The following RWDD1 variants were observed in gnomAD, a reference collection of about 807,000 sequenced individuals.
The protein encoded by RWDD1 is RWD domain-containing protein 1.
A neutral mutation model predicts 31.6 loss-of-function variants in RWDD1; 17 were observed. The ratio of observed to expected loss-of-function variants is 0.54; its 90% CI spans 0.37 to 0.81. RWDD1 has a LOEUF of 0.81. Among genes scored for constraint, RWDD1 ranks in the 30% least tolerant of loss-of-function variants. RWDD1 has a pLI of 0.00. For synonymous variants in RWDD1, 78 were observed against 94.2 expected (o/e 0.83, Z 0.99); for missense variants, 204 against 274.5 (o/e 0.74, Z 1.82).
intron 6 of RWDD1, 137 bp from the exon 7 acceptor site, chr6:116,592,843 G>A: frequency 1.2e-6 from 1 of 841,672 alleles, no homozygotes; most frequent in Non-Finnish European, 1.8e-6. Context: ...GTTGATAACT[G>A]TAGTTTGGGA....
At chr6:116,579,366 C>T (rs185024314) in intron 1 of RWDD1, among the ~76,000 whole-genome samples, 151 of 152,354 alleles carry the variant, frequency 9.9e-4, no homozygotes, top group African/African-American at 3.4e-3. Context: ...AGGCTTTTCT[C>T]ATAGGCTTAG....
At chr6:116,571,745 T>C (rs995818553) in intron 1 of RWDD1, 90 bp downstream of exon 1, 1 of 1,206,826 alleles carries the variant, frequency 8.3e-7, no homozygotes, top group Non-Finnish European at 1.1e-6. Context: ...TAGGTTGGGG[T>C]GGAGAAGGGG....
In RWDD1 at chr6:116,595,744, C is replaced by G. The variant is rs948453319; in HGVS notation, c.*2643C>G. The G allele has an allele frequency of 2.0e-5, 3 of 152,286 alleles. No homozygotes were observed. The highest frequency in any genetic ancestry group is 3.4e-3 in the Middle Eastern group (1 of 294). 9.4% of individuals were successfully genotyped at this position (152,286 alleles called of 1,614,324 possible). On this transcript the variant is annotated 3_prime_UTR_variant, in exon 7 of 7. Transcript: ENST00000466444. ...AATTCTAATGTATTTTAAAGTAAAG[C>G]ATGAGAGTTCAAAGAAATGTTGTAT...
chr6:116,572,003 G>T (rs979027516), intron 1 of RWDD1, among the ~76,000 whole-genome samples: 1 of 151,938 alleles, frequency 6.6e-6, no homozygotes, highest in Non-Finnish European at 1.5e-5. Context: ...TTCCACAGCC[G>T]CAAGAATGTT....
At chr6:116,582,600 A>G (rs759374284) in intron 2 of RWDD1, among the ~76,000 whole-genome samples, 1 of 152,122 alleles carries the variant, frequency 6.6e-6, no homozygotes, top group Non-Finnish European at 1.5e-5. Context: ...TAAACCTTTT[A>G]TCCTGTAACT....
intron 3 of RWDD1, among the ~76,000 whole-genome samples, chr6:116,588,334 C>T (rs1775078122): frequency 6.6e-6 from 1 of 152,092 alleles, no homozygotes; most frequent in African/African-American, 2.4e-5. Flanking sequence ...TTCAAATGAC[C>T]AACTTCCTAA....
At chr6:116,586,882 A>G (rs1036160817) in intron 3 of RWDD1, among the ~76,000 whole-genome samples, 1 of 152,214 alleles carries the variant, frequency 6.6e-6, no homozygotes, top group African/African-American at 2.4e-5. Context: ...TCATTGTGGT[A>G]TCTGTTTTCT....
In RWDD1 at chr6:116,593,078, C is replaced by A; in HGVS notation, c.709C>A (p.Pro237Thr). Residue 237 changes from proline (P) to threonine (T), a missense_variant, in exon 7 of 7, where the codon CCA becomes ACA. Coordinates refer to ENST00000466444, the MANE Select transcript of RWDD1 (RefSeq NM_015952.4). ...TGATCCAGACTATAATCCTGCTGAC[C>A]CAGAGAGTGACTCAGCTGACTAATG... ...EDDPDYNPAD[P>T]ESDSAD The A allele has an allele frequency of 6.2e-7, 1 of 1,613,558 alleles. No individual in the cohort carries two copies. Among genetic ancestry groups the A allele is most frequent in the Non-Finnish European group, 8.5e-7 (1 of 1,179,846 alleles).
At chr6:116,587,400 T>TGA (rs1013584852) in intron 3 of RWDD1, among the ~76,000 whole-genome samples, 2 of 152,120 alleles carry the variant, frequency 1.3e-5, no homozygotes, top group Non-Finnish European at 2.9e-5. Flanking sequence ...GATATTGAGG[T>TGA]GAGAGAGAGC....
In RWDD1 at chr6:116,580,324, A is replaced by G; in HGVS notation, c.103A>G (p.Ile35Val). The G allele has an allele frequency of 3.7e-6, 6 of 1,602,152 alleles. No individual in the cohort carries two copies. The highest frequency in any genetic ancestry group is 5.1e-6 in the Non-Finnish European group (6 of 1,172,592). Residue 35 changes from isoleucine (I) to valine (V), a missense_variant, in exon 2 of 7, where the codon ATT becomes GTT. Transcript: ENST00000466444. Reference protein sequence around the residue: ...VLSENPPSFTITVTSEAGEND... With the variant: ...VLSENPPSFTVTVTSEAGEND... ...ATCAGAAAATCCACCCAGCTTCACC[A>G]TTACTGTGACGTCTGAGGCTGGAGA...
At position 116,597,057 on chromosome 6, in the gene RWDD1, T is replaced by C. The variant is rs1474946526; in HGVS notation, c.*3956T>C. The C allele has an allele frequency of 1.3e-5, 2 of 152,146 alleles. No homozygotes were observed. Among genetic ancestry groups the C allele is most frequent in the Non-Finnish European group, 2.9e-5 (2 of 68,032 alleles). The allele number at this position is 152,146 out of a possible 1,614,324, so 9.4% of individuals were successfully genotyped here. On this transcript the variant is annotated 3_prime_UTR_variant, in exon 7 of 7. Coordinates refer to ENST00000466444, the MANE Select transcript of RWDD1 (RefSeq NM_015952.4). ...ACCATCAATGCTAAATGGTATTTAG[T>C]TGTGGATCTTCATCCTGTCATGCAG...
At chr6:116,579,017 AGGCATGC>A (rs1562376536) in intron 1 of RWDD1, among the ~76,000 whole-genome samples, 1 of 152,130 alleles carries the variant, frequency 6.6e-6, no homozygotes, top group African/African-American at 2.4e-5. Flanking sequence ...CTGGGATTAC[AGGCATGC>A]GCCACCACGC....
At chr6:116,592,871 CAT>C in intron 6 of RWDD1, 107 bp from the exon 7 acceptor site, 2 of 1,209,422 alleles carry the variant, frequency 1.7e-6, no homozygotes, top group Non-Finnish European at 2.3e-6. Context: ...ACTCCTACCT[CAT>C]ATGCAGATTT....
intron 3 of RWDD1, among the ~76,000 whole-genome samples, chr6:116,587,900 G>C (rs1331921799): frequency 6.6e-6 from 1 of 152,074 alleles, no homozygotes; most frequent in African/African-American, 2.4e-5. Flanking sequence ...GATGGGATGG[G>C]GATGTTCAGG....
In RWDD1 at chr6:116,577,525, A is replaced by C. The variant is rs78454107; in HGVS notation, c.74-2770A>C. Among the ~76,000 whole-genome samples, 96 of 107,556 alleles carry C rather than the reference A, an allele frequency of 8.9e-4. 3 individuals carry two copies. Among genetic ancestry groups the C allele is most frequent in the African/African-American group, 2.8e-3 (93 of 33,198 alleles). The allele number at this position is 107,556 out of a possible 152,430, so 70.6% of individuals were successfully genotyped here. A position where few individuals can be genotyped will look rare whatever the true frequency, so the allele number is the denominator to read the frequency against. On this transcript the variant is annotated intron_variant, in intron 1 of 6. Transcript: ENST00000466444. ...TCTGATTGCATGTTCAACACTTCTA[A>C]CTGAAAGTCCTAAAGTGTCCTTAAA... is the stretch of plus-strand genomic sequence containing the variant.
intron 4 of RWDD1, among the ~76,000 whole-genome samples, chr6:116,589,493 C>T (rs1775101380): frequency 6.6e-6 from 1 of 152,032 alleles, no homozygotes; most frequent in Non-Finnish European, 1.5e-5. Context: ...TTATAAATCC[C>T]CTATACTACA....
At chr6:116,592,865 C>A in intron 6 of RWDD1, 115 bp from the exon 7 acceptor site, 1 of 1,161,268 alleles carries the variant, frequency 8.6e-7, no homozygotes, top group South Asian at 1.5e-5. Context: ...TTCATCACTC[C>A]TACCTCATAT....
At chr6:116,586,595 A>G in intron 3 of RWDD1, among the ~76,000 whole-genome samples, 2 of 152,336 alleles carry the variant, frequency 1.3e-5, no homozygotes, top group Middle Eastern at 6.8e-3. Context: ...ATTAACAAAT[A>G]ATCAAGAATT....
At chr6:116,574,054 G>A in intron 1 of RWDD1, 2 of 916,172 alleles carry the variant, frequency 2.2e-6, no homozygotes, top group Non-Finnish European at 2.6e-6. Context: ...TGCCTATTCT[G>A]TAGCTTGATT....
Sources: allele counts gnomAD v4.1 joint callset (sites outside exome capture counted in the v4.1 genomes callset), GRCh38; gene constraint gnomAD v4.1.1; transcripts MANE v1.5; gene names NCBI Gene and HGNC (gene_info 2026-07-23, HGNC 2026-07-21).